Variants in SMIM35 observed in about 807,000 individuals in gnomAD.
SMIM35 encodes small integral membrane protein 35.
chr11:118,046,448 TG>T (rs796984722), intron 1 of SMIM35, among the ~76,000 whole-genome samples: 70 of 152,252 alleles, frequency 4.6e-4, no homozygotes, highest in African/African-American at 1.6e-3. Context: ...CCCAAAAAAC[TG>T]TAAGTCCTGG....
chr11:118,047,101 A>G (rs1944109290), intron 1 of SMIM35, among the ~76,000 whole-genome samples: 1 of 152,178 alleles, frequency 6.6e-6, no homozygotes, highest in Non-Finnish European at 1.5e-5. Flanking sequence ...TTAGGAGTAA[A>G]CCGGCTGCTG....
intron 1 of SMIM35, among the ~76,000 whole-genome samples, chr11:118,060,390 G>A (rs919567481): frequency 3.3e-5 from 5 of 152,228 alleles, no homozygotes; most frequent in Admixed American, 6.5e-5. Context: ...AGCTCTTGGT[G>A]CTAATGAAAG....
chr11:118,025,513 G>A (rs965962408), intron 1 of SMIM35: 1 of 455,314 alleles, frequency 2.2e-6, no homozygotes, highest in Non-Finnish European at 4.4e-6. Flanking sequence ...ATCTCACTGT[G>A]GTTTTGATTT....
chr11:118,058,379 T>A (rs1387065292), intron 1 of SMIM35, among the ~76,000 whole-genome samples: 1 of 151,898 alleles, frequency 6.6e-6, no homozygotes, highest in Non-Finnish European at 1.5e-5. Flanking sequence ...GCCAGGAGTG[T>A]GGGGAAGGGG....
At chr11:118,045,985 T>C (rs1314194553) in intron 1 of SMIM35, among the ~76,000 whole-genome samples, 7 of 152,236 alleles carry the variant, frequency 4.6e-5, no homozygotes. Context: ...AACGTGAAGA[T>C]TAAGTGAGAC....
intron 1 of SMIM35, among the ~76,000 whole-genome samples, chr11:118,034,313 A>T (rs2058341627): frequency 6.6e-6 from 1 of 152,192 alleles, no homozygotes; most frequent in African/African-American, 2.4e-5. Flanking sequence ...ATAAAATAAT[A>T]CATGTCTACT....
In SMIM35 at chr11:118,063,714, T is replaced by A. The variant is rs1360114594; in HGVS notation, c.7+23037A>T. ...GGGTAAGTTGATCACCAATGGCCCG[T>A]GGCTTAATTAATCATGCTTATGTAA... On this transcript the variant is annotated intron_variant, in intron 1 of 4. Transcript: ENST00000689828. Among the ~76,000 whole-genome samples, 3 of 152,120 alleles carry A rather than the reference T, an allele frequency of 2.0e-5. No homozygotes were observed. In the East Asian group the frequency reaches 5.8e-4, roughly 29 times the overall value.
intron 1 of SMIM35, among the ~76,000 whole-genome samples, chr11:118,066,824 TAA>T (rs35584570): frequency 4.4e-4 from 64 of 146,934 alleles, no homozygotes; most frequent in Admixed American, 8.1e-4. Flanking sequence ...GACCTTGACT[TAA>T]AAAAAAAAAA....
At chr11:118,082,504 T>A (rs1945217377) in intron 1 of SMIM35, among the ~76,000 whole-genome samples, 2 of 149,814 alleles carry the variant, frequency 1.3e-5, no homozygotes, top group Middle Eastern at 3.4e-3. Flanking sequence ...GAGGTTGCAG[T>A]AAGCCGAGAT....
chr11:118,073,973 C>T (rs1712263373), intron 1 of SMIM35, among the ~76,000 whole-genome samples: 1 of 152,246 alleles, frequency 6.6e-6, no homozygotes, highest in African/African-American at 2.4e-5. Flanking sequence ...ATAGAGCTCT[C>T]AGCTGGACGA....
intron 1 of SMIM35, among the ~76,000 whole-genome samples, chr11:118,078,203 A>G (rs1944845571): frequency 6.6e-6 from 1 of 152,040 alleles, no homozygotes; most frequent in Non-Finnish European, 1.5e-5. Context: ...AATCAACCCT[A>G]TCTTTCAAGG....
chr11:118,061,082 T>C (rs977446313), intron 1 of SMIM35, among the ~76,000 whole-genome samples: 1 of 152,184 alleles, frequency 6.6e-6, no homozygotes, highest in African/African-American at 2.4e-5. Flanking sequence ...CATATGGTCG[T>C]GGCCCTGCTT....
chr11:118,081,456 C>T (rs748149321), intron 1 of SMIM35, among the ~76,000 whole-genome samples: 1 of 152,216 alleles, frequency 6.6e-6, no homozygotes, highest in Non-Finnish European at 1.5e-5. Context: ...GATGGAAAAC[C>T]GCAACAGTCC....
chr11:118,079,874 G>C (rs1237541872), intron 1 of SMIM35, among the ~76,000 whole-genome samples: 1 of 152,228 alleles, frequency 6.6e-6, no homozygotes, highest in Non-Finnish European at 1.5e-5. Flanking sequence ...CCTAGGCTCT[G>C]AGGTGGTAAA....
chr11:118,056,567 C>T (rs895958449), intron 1 of SMIM35, among the ~76,000 whole-genome samples: 6 of 152,162 alleles, frequency 3.9e-5, no homozygotes, highest in African/African-American at 1.4e-4. Flanking sequence ...CAGGAGGGTC[C>T]CCTGGACCAG....
chr11:118,010,965 C>T (rs1019053383), intron 4 of SMIM35, among the ~76,000 whole-genome samples: 23 of 152,216 alleles, frequency 1.5e-4, no homozygotes, highest in African/African-American at 5.3e-4. Context: ...CATCTGCTCC[C>T]GAATCGTTTC....
chr11:118,062,491 C>CCT (rs1944406623), intron 1 of SMIM35, among the ~76,000 whole-genome samples: 1 of 152,196 alleles, frequency 6.6e-6, no homozygotes, highest in Non-Finnish European at 1.5e-5. Context: ...GTGACAACTG[C>CCT]CTCTGATGCT....
chr11:118,014,455 T>C (rs975371624), intron 3 of SMIM35, among the ~76,000 whole-genome samples: 5 of 151,994 alleles, frequency 3.3e-5, no homozygotes, highest in Admixed American at 1.3e-4. Context: ...GATGGGTGGA[T>C]GGATGTTCCC....
chr11:118,053,512 T>G (rs1322326585), intron 1 of SMIM35, among the ~76,000 whole-genome samples: 2 of 152,178 alleles, frequency 1.3e-5, no homozygotes, highest in Non-Finnish European at 2.9e-5. Context: ...TGGCAACCCT[T>G]CCTTGGATTC....
Sources: allele counts gnomAD v4.1 joint callset (sites outside exome capture counted in the v4.1 genomes callset), GRCh38; gene constraint gnomAD v4.1.1; transcripts MANE v1.5; gene names NCBI Gene and HGNC (gene_info 2026-07-23, HGNC 2026-07-21).